The following SHANK2 variants were observed in gnomAD, a reference collection of about 807,000 sequenced individuals.
SHANK2 encodes the protein SH3 and multiple ankyrin repeat domains 2.
Under a neutral mutation model 133.7 loss-of-function variants are expected in SHANK2, and 43 were observed. The ratio of observed to expected loss-of-function variants is 0.32; its 90% CI spans 0.25 to 0.41. SHANK2 has a LOEUF of 0.41. Among genes scored for constraint, SHANK2 ranks in the 10% least tolerant of loss-of-function variants. The pLI is 1.00. For synonymous variants in SHANK2, 1,017 were observed against 952.8 expected, an observed-to-expected ratio of 1.07 and a Z score of -1.24; for missense variants, 1,994 against 2,235.8, an observed-to-expected ratio of 0.89 and a Z score of 2.18.
intron 15 of SHANK2, among the ~76,000 whole-genome samples, chr11:70,673,295 A>C (rs1217918061): frequency 6.7e-5 from 10 of 150,160 alleles, no homozygotes; most frequent in African/African-American, 2.3e-4. Context: ...TGTTCTTTAA[A>C]AAAAAAAAAA....
intron 11 of SHANK2, among the ~76,000 whole-genome samples, chr11:70,859,295 T>A (rs928901771): frequency 6.6e-6 from 1 of 151,950 alleles, no homozygotes; most frequent in Non-Finnish European, 1.5e-5. Flanking sequence ...GATGGGCAGA[T>A]GGATGGGTAG....
At chr11:70,649,132 C>A (rs563022556) in intron 17 of SHANK2, among the ~76,000 whole-genome samples, 1 of 152,302 alleles carries the variant, frequency 6.6e-6, no homozygotes, top group African/African-American at 2.4e-5. Flanking sequence ...CCTTCTCACC[C>A]ATATAACCCA....
At chr11:70,627,366 G>A (rs528865847) in intron 17 of SHANK2, among the ~76,000 whole-genome samples, 29 of 152,140 alleles carry the variant, frequency 1.9e-4, no homozygotes, top group Non-Finnish European at 3.4e-4. Context: ...TGGTGGGGGC[G>A]TCACCCAACC....
intron 14 of SHANK2, among the ~76,000 whole-genome samples, chr11:70,751,379 T>C (rs1946746093): frequency 6.6e-6 from 1 of 152,254 alleles, no homozygotes; most frequent in Admixed American, 6.5e-5. Flanking sequence ...GGAACAGTAT[T>C]TTTAAAATAC....
chr11:70,869,032 C>T (rs1240310844), intron 11 of SHANK2, among the ~76,000 whole-genome samples: 1 of 152,140 alleles, frequency 6.6e-6, no homozygotes. Flanking sequence ...TAAAGTGAGG[C>T]CAGATGGGGC....
chr11:70,641,769 G>A (rs571164371), intron 17 of SHANK2, among the ~76,000 whole-genome samples: 4 of 152,324 alleles, frequency 2.6e-5, no homozygotes, highest in African/African-American at 9.6e-5. Context: ...TTCAGTATGT[G>A]GCTTGTTACG....
intron 3 of SHANK2, among the ~76,000 whole-genome samples, chr11:71,124,212 A>C (rs367829802): frequency 1.7e-4 from 6 of 35,166 alleles, no homozygotes; most frequent in Admixed American, 3.7e-4. Flanking sequence ...GGTGGTGATG[A>C]TGATGGTGAC....
chr11:70,486,199 G>C lies in SHANK2; in HGVS notation c.4094C>G (p.Pro1365Arg). ...TCTGCCGGGCACGGTGGTGGGCTCG[G>C]GGGCAGCGGAGATCTGTAAAGCACC... ...TEGALQISAAPEPTTVPGRTI... is the reference protein window; with the variant it reads ...TEGALQISAAREPTTVPGRTI... The change falls in exon 25 of 26, where the codon CCC (proline) becomes CGC (arginine). Residue 1365 changes from proline (P) to arginine (R), a missense_variant. Physicochemically the swap from Pro to Arg is moderately radical, Grantham distance 103. Transcript: ENST00000601538. The surrounding 1 kb of genome is among the most constrained non-coding windows in gnomAD (Gnocchi z 8.0). The C allele has an allele frequency of 6.2e-7, 1 of 1,613,518 alleles. No individual in the cohort carries two copies. The highest frequency in any genetic ancestry group is 8.5e-7 in the Non-Finnish European group (1 of 1,179,590).
rs1157045118 is a variant in SHANK2 at position 71,198,481 on chromosome 11, C to T, written c.-13+26216G>A. ...GGCCTCCAAGAAGGGTTTCTGCACC[C>T]TTGAGAAACAGCCCCACAGGAAACA... On this transcript the variant is annotated intron_variant, in intron 2 of 25. Transcript: ENST00000601538. 2.0e-5 allele frequency among the ~76,000 whole-genome samples: 3 copies of T among 152,222 alleles called. No individual in the cohort carries two copies. In the East Asian group the frequency reaches 5.8e-4, roughly 29 times the overall value.
chr11:70,485,272 T>C lies in SHANK2; in HGVS notation c.4979+42A>G, dbSNP rs192773042. ...GGCCTTTCCTGGTCAGCAGGGACAG[T>C]GCACGCAGAGCGGTGTGCATGTGCA... On this transcript the variant is annotated intron_variant, in intron 25 of 25. Coordinates refer to ENST00000601538, the MANE Select transcript of SHANK2 (RefSeq NM_012309.5). This position sits in a 1 kb window ranked among gnomAD's most constrained non-coding sequence, Gnocchi z 5.8. 4.2e-4 allele frequency: 648 copies of C among 1,551,162 alleles called. 5 individuals carry two copies. The highest frequency in any genetic ancestry group is 3.6e-3 in the African/African-American group (263 of 73,802).
At chr11:70,911,355 C>CA (rs1179117968) in intron 10 of SHANK2, among the ~76,000 whole-genome samples, 19 of 148,024 alleles carry the variant, frequency 1.3e-4, no homozygotes, top group South Asian at 2.2e-4. Flanking sequence ...GACTCCATCT[C>CA]AAAAAAAACA....
rs2058868880 is a variant in SHANK2, at chr11:70,490,345, C to G, written c.2482G>C (p.Val828Leu). The G allele has an allele frequency of 1.2e-6, 2 of 1,614,100 alleles. No homozygotes were observed. Among genetic ancestry groups the G allele is most frequent in the South Asian group, 2.2e-5 (2 of 91,094 alleles). ...RQGIAVMTPTVPGSPKAPFLG... is the reference protein window; with the variant it reads ...RQGIAVMTPTLPGSPKAPFLG... ...AACGGGGCTTTTGGGCTCCCAGGAA[C>G]AGTGGGCGTCATCACGGCGATTCCT... The change falls in exon 23 of 26, where the codon GTT (valine) becomes CTT (leucine). Residue 828 changes from valine (V) to leucine (L), a missense_variant. Val to Leu is a conservative substitution (Grantham distance 32). Around this residue, in one of 5 missense-constraint regions of SHANK2, gnomAD observed 488 missense variants for 642.6 expected, o/e 0.76. Transcript: ENST00000601538.
chr11:70,704,577 T>G (rs1216438233), intron 14 of SHANK2, among the ~76,000 whole-genome samples: 2 of 152,212 alleles, frequency 1.3e-5, no homozygotes, highest in Non-Finnish European at 2.9e-5. Context: ...TTCTGAGATG[T>G]TCTGTAGTCT....
chr11:71,068,549 A>G (rs1951099110), intron 9 of SHANK2, among the ~76,000 whole-genome samples: 1 of 152,234 alleles, frequency 6.6e-6, no homozygotes, highest in East Asian at 1.9e-4. Flanking sequence ...CCACCATTAG[A>G]TGCCATAGTG....
chr11:70,907,625 G>A (rs1158405440), intron 10 of SHANK2: 3 of 203,488 alleles, frequency 1.5e-5, no homozygotes, highest in African/African-American at 7.1e-5. Context: ...CATATATTAA[G>A]GAGATGATAT....
In SHANK2 at chr11:70,653,329, C is replaced by T. The variant is rs782091675; in HGVS notation, c.2061+6499G>A. ...TTAACTCTGAAGCTGTGGGGATTGA[C>T]CCTTGAGCAGCGAGCTCTAACAACT... On this transcript the variant is annotated intron_variant, in intron 17 of 25. Coordinates refer to ENST00000601538, the MANE Select transcript of SHANK2 (RefSeq NM_012309.5). 2.6e-4 allele frequency among the ~76,000 whole-genome samples: 40 copies of T among 152,134 alleles called. 1 individual carries two copies. Among genetic ancestry groups the T allele is most frequent in the Admixed American group, 2.6e-4 (4 of 15,266 alleles).
chr11:70,727,498 G>C (rs1555030970), intron 14 of SHANK2, among the ~76,000 whole-genome samples: 1 of 152,182 alleles, frequency 6.6e-6, no homozygotes, highest in African/African-American at 2.4e-5. Context: ...GAGGCACCAT[G>C]GTAGAGCAGG....
intron 3 of SHANK2, among the ~76,000 whole-genome samples, chr11:71,143,938 C>CA (rs1555106245): frequency 6.6e-6 from 1 of 151,848 alleles, no homozygotes; most frequent in Admixed American, 6.6e-5. Flanking sequence ...ATCGACCATC[C>CA]ATTCACCGAG....
chr11:71,071,555 C>G (rs1179853840), intron 9 of SHANK2, among the ~76,000 whole-genome samples: 6 of 152,186 alleles, frequency 3.9e-5, no homozygotes, highest in African/African-American at 1.4e-4. Flanking sequence ...GGCTATGTCT[C>G]ACAAAGGGCT....
Sources: gnomAD v4.1 joint callset for allele counts (sites outside exome capture counted in the v4.1 genomes callset) on GRCh38, gnomAD v4.1.1 for gene constraint, gnomAD v4.1.1 regional missense constraint, Gnocchi (gnomAD v3.1) non-coding constraint, MANE v1.5 for transcripts, NCBI Gene and HGNC (gene_info 2026-07-23, HGNC 2026-07-21) for gene names.